Variants in KLHL8 observed in about 807,000 individuals in gnomAD.
KLHL8 encodes kelch-like protein 8.
Under a neutral mutation model 63.5 loss-of-function variants are expected in KLHL8, and 38 were observed. That is an observed-to-expected ratio of 0.60 (90% CI 0.46 to 0.78). The LOEUF (loss-of-function observed/expected upper bound fraction) is 0.78, where lower values mean the gene tolerates loss of function less well. Among genes scored for constraint, KLHL8 ranks in the 30% least tolerant of loss-of-function variants. The probability of loss-of-function intolerance (pLI) is 0.00; values close to 1 mark genes in which losing one functional copy is unlikely to be tolerated. For missense variants in KLHL8, 566 were observed against 752.4 expected (o/e 0.75, Z 2.90); for synonymous variants, 224 against 254.3 (o/e 0.88, Z 1.13).
At chr4:87,215,749 C>A (rs1309609224) in intron 1 of KLHL8, among the ~76,000 whole-genome samples, 2 of 151,832 alleles carry the variant, frequency 1.3e-5, no homozygotes, top group African/African-American at 2.4e-5. Context: ...TTCAGAAATT[C>A]AAAAAAAGCA....
chr4:87,214,415 GATATATATATATATATATATATATAT>G (rs58112792), intron 1 of KLHL8, among the ~76,000 whole-genome samples: 61 of 93,072 alleles, frequency 6.6e-4, no homozygotes, highest in East Asian at 3.2e-3. Flanking sequence ...GCACATAACA[GATATATATATATATATATATATATAT>G]ATATATATAT....
rs888915666 is a variant in KLHL8, at chr4:87,160,592, T to C, written c.*2927A>G. ...CTCCTTAGAGGGAGTACAAAGTTTA[T>C]TCAAACATTTTAGAAATAATCAATT... On this transcript the variant is annotated 3_prime_UTR_variant, in exon 10 of 10. Transcript: ENST00000273963. 1 of 152,198 alleles carries C rather than the reference T, an allele frequency of 6.6e-6. No homozygotes were observed. Among genetic ancestry groups the C allele is most frequent in the Non-Finnish European group, 1.5e-5 (1 of 68,024 alleles). The allele number at this position is 152,198 out of a possible 1,614,324, so 9.4% of individuals were successfully genotyped here. A position where few individuals can be genotyped will look rare whatever the true frequency, so the allele number is the denominator to read the frequency against.
At chr4:87,195,951 G>C (rs1438634219) in intron 1 of KLHL8, among the ~76,000 whole-genome samples, 1 of 152,036 alleles carries the variant, frequency 6.6e-6, no homozygotes, top group Non-Finnish European at 1.5e-5. Context: ...TATCTTCAAA[G>C]AGAAAGGCCA....
chr4:87,187,288 T>A (rs1731299768), intron 2 of KLHL8, among the ~76,000 whole-genome samples: 1 of 152,072 alleles, frequency 6.6e-6, no homozygotes, highest in African/African-American at 2.4e-5. Flanking sequence ...CTCAAACTCC[T>A]AAGCTCATGC....
intron 1 of KLHL8, among the ~76,000 whole-genome samples, chr4:87,235,097 A>G (rs528801182): frequency 9.1e-4 from 138 of 152,268 alleles, no homozygotes; most frequent in African/African-American, 3.2e-3. Flanking sequence ...TTGAATAAAT[A>G]AATATATTTT....
At chr4:87,205,450 T>A (rs1175409424) in intron 1 of KLHL8, among the ~76,000 whole-genome samples, 1 of 151,878 alleles carries the variant, frequency 6.6e-6, no homozygotes, top group Admixed American at 6.6e-5. Flanking sequence ...AAGGAAGACA[T>A]CAGCATCACG....
chr4:87,175,326 C>T (rs1015664142), intron 6 of KLHL8, among the ~76,000 whole-genome samples: 1 of 152,098 alleles, frequency 6.6e-6, no homozygotes, highest in Non-Finnish European at 1.5e-5. Context: ...TCTAAGGCTT[C>T]ACTTCTTTTA....
intron 2 of KLHL8, 111 bp from the exon 3 acceptor site, chr4:87,185,910 C>A: frequency 1.1e-6 from 1 of 877,872 alleles, no homozygotes; most frequent in South Asian, 1.9e-5. Context: ...TTTAGAGTAT[C>A]TTTTTATAAG....
At chr4:87,211,189 T>G (rs959057606) in intron 1 of KLHL8, among the ~76,000 whole-genome samples, 3 of 152,228 alleles carry the variant, frequency 2.0e-5, no homozygotes, top group Non-Finnish European at 4.4e-5. Flanking sequence ...ATAATCCAAA[T>G]TAATGTATGC....
chr4:87,212,642 A>G (rs901731969), intron 1 of KLHL8, among the ~76,000 whole-genome samples: 1 of 152,212 alleles, frequency 6.6e-6, no homozygotes, highest in Non-Finnish European at 1.5e-5. Context: ...CATGTGCTGC[A>G]TATCAGTGTT....
At position 87,185,374 on chromosome 4, in the gene KLHL8, A is replaced by G. The variant is rs375016969; in HGVS notation, c.642T>C (p.His214=). Residue 214 remains histidine, a synonymous_variant, in exon 3 of 10, where the codon CAT becomes CAC. Transcript: ENST00000273963. ...TTAGATCACTGGAGGACAAAAGCTT[A>G]TGGAGGTGCTGCGGTGATACACTTA... The part of the protein sequence containing the change: ...DFVSVSPQHL[H]KLLSSSDLNI... The G allele has an allele frequency of 6.2e-6, 10 of 1,614,190 alleles. No homozygotes were observed. In the African/African-American group the frequency reaches 9.3e-5, roughly 15 times the overall value.
At chr4:87,215,851 C>T (rs1732574520) in intron 1 of KLHL8, among the ~76,000 whole-genome samples, 1 of 152,172 alleles carries the variant, frequency 6.6e-6, no homozygotes, top group African/African-American at 2.4e-5. Context: ...ACATATCCAT[C>T]TTTTCAAACT....
chr4:87,193,280 T>C (rs1731564684), intron 2 of KLHL8, among the ~76,000 whole-genome samples: 1 of 152,182 alleles, frequency 6.6e-6, no homozygotes, highest in Non-Finnish European at 1.5e-5. Context: ...TAAACTTTTT[T>C]GTTAAAAACT....
At chr4:87,214,980 G>A (rs955687800) in intron 1 of KLHL8, among the ~76,000 whole-genome samples, 1 of 152,014 alleles carries the variant, frequency 6.6e-6, no homozygotes, top group East Asian at 1.9e-4. Context: ...TGTATTTTTA[G>A]TAGAGAGAGG....
At chr4:87,193,350 G>A (rs555376023) in intron 2 of KLHL8, among the ~76,000 whole-genome samples, 153 of 152,178 alleles carry the variant, frequency 1.0e-3, no homozygotes, top group Admixed American at 3.3e-4. Context: ...CCATATCACT[G>A]TCTTCCGCCT....
At chr4:87,224,453 A>G (rs1290070056), upstream of KLHL8, among the ~76,000 whole-genome samples, 2 of 152,172 alleles carry the variant, frequency 1.3e-5, no homozygotes, top group African/African-American at 4.8e-5. Context: ...TTAATGAAGA[A>G]GGTTATTTTA....
At chr4:87,215,157 T>C (rs750716840) in intron 1 of KLHL8, among the ~76,000 whole-genome samples, 2 of 152,226 alleles carry the variant, frequency 1.3e-5, no homozygotes, top group African/African-American at 2.4e-5. Flanking sequence ...CTTAAAATGA[T>C]TGGATTCCCA....
intron 8 of KLHL8, chr4:87,167,487 G>A: frequency 1.9e-6 from 1 of 527,326 alleles, no homozygotes; most frequent in Admixed American, 2.1e-5. Context: ...GGAAAGAGGA[G>A]GCTGGGAGCA....
chr4:87,165,971 G>T (rs1284614329), intron 8 of KLHL8, among the ~76,000 whole-genome samples: 1 of 151,652 alleles, frequency 6.6e-6, no homozygotes, highest in Non-Finnish European at 1.5e-5. Context: ...AATTATAAGG[G>T]TCCAAAAGAT....
Sources: gnomAD v4.1 joint callset for allele counts (sites outside exome capture counted in the v4.1 genomes callset) on GRCh38, gnomAD v4.1.1 for gene constraint, MANE v1.5 for transcripts, NCBI Gene and HGNC (gene_info 2026-07-23, HGNC 2026-07-21) for gene names.